LRRC20: variants seen among roughly 807,000 people sequenced by gnomAD.
LRRC20 encodes leucine-rich repeat-containing protein 20.
LRRC20 carries 11 observed loss-of-function variants against 14.4 expected under a neutral mutation model. The observed-to-expected ratio is 0.77, with a 90% confidence interval of 0.48 to 1.27. The LOEUF (loss-of-function observed/expected upper bound fraction) is 1.27. Among genes scored for constraint, LRRC20 ranks in the 50% most tolerant of loss-of-function variants. LRRC20 has a pLI of 0.00. For missense variants in LRRC20, 219 were observed against 251.2 expected (o/e 0.87, Z 0.87); for synonymous variants, 121 against 107.3 (o/e 1.13, Z -0.79).
chr10:70,374,867 G>A (rs757045083), intron 2 of LRRC20, among the ~76,000 whole-genome samples: 5 of 152,196 alleles, frequency 3.3e-5, no homozygotes, highest in Admixed American at 6.5e-5. Flanking sequence ...AGCTCCCTAT[G>A]TGCCAAACAC....
At chr10:70,342,706 CCCTT>C (rs1842960024) in intron 2 of LRRC20, among the ~76,000 whole-genome samples, 1 of 152,152 alleles carries the variant, frequency 6.6e-6, no homozygotes. Flanking sequence ...AGCAGTCCTC[CCCTT>C]CCACTTTACC....
chr10:70,340,680 G>C lies in LRRC20; in HGVS notation c.105C>G (p.Val35=). ...DTLDLAECKL[V]SFPIGIYKVL... is the part of the protein sequence containing the mutation. ...CCTTGTAGATGCCAATGGGAAAGGA[G>C]ACCAGCTTGCACTCGGCCAGGTCTG... The change falls in exon 3 of 5, where the codon GTC becomes GTG. Residue 35 remains valine, a synonymous_variant. Transcript: ENST00000446961. 1 of 1,614,184 alleles carries C rather than the reference G, an allele frequency of 6.2e-7. No individual in the cohort carries two copies. The highest frequency in any genetic ancestry group is 8.5e-7 in the Non-Finnish European group (1 of 1,180,038).
intron 4 of LRRC20, among the ~76,000 whole-genome samples, chr10:70,304,104 C>T (rs1841313490): frequency 6.6e-6 from 1 of 152,110 alleles, no homozygotes; most frequent in African/African-American, 2.4e-5. Flanking sequence ...TCCCACCTAA[C>T]CTTTAGGATC....
chr10:70,344,572 T>A (rs1843013366), intron 2 of LRRC20, among the ~76,000 whole-genome samples: 1 of 152,206 alleles, frequency 6.6e-6, no homozygotes. Flanking sequence ...ATTTTCGTTT[T>A]GTTTTGTTTA....
At chr10:70,343,627 G>A (rs1431348509) in intron 2 of LRRC20, among the ~76,000 whole-genome samples, 1 of 152,208 alleles carries the variant, frequency 6.6e-6, no homozygotes, top group Non-Finnish European at 1.5e-5. Context: ...AAGCAAACAG[G>A]CACTGTGGGC....
chr10:70,341,139 G>C (rs1368335000), intron 2 of LRRC20, among the ~76,000 whole-genome samples: 1 of 152,082 alleles, frequency 6.6e-6, no homozygotes, highest in Non-Finnish European at 1.5e-5. Context: ...CAGACTTTAT[G>C]GTTTGATCTT....
At chr10:70,328,303 C>T (rs1000194015) in intron 3 of LRRC20, among the ~76,000 whole-genome samples, 13 of 149,750 alleles carry the variant, frequency 8.7e-5, no homozygotes, top group South Asian at 6.3e-4. Context: ...TGTTTTTTGG[C>T]GTTTTTTTTT....
intron 2 of LRRC20, among the ~76,000 whole-genome samples, chr10:70,359,438 C>T (rs1843640932): frequency 6.6e-6 from 1 of 152,154 alleles, no homozygotes; most frequent in East Asian, 1.9e-4. Flanking sequence ...CCTGTGGGCC[C>T]AGCTACTTGG....
rs541910148 is a variant in LRRC20, at chr10:70,351,916, C to T, written c.83-11214G>A. ...TCAGGATTGTTATGAAGACTTAAGG[C>T]TCAATATTTTTTAACACAATACTCA... is the stretch of plus-strand genomic sequence containing the variant. On this transcript the variant is annotated intron_variant, in intron 2 of 4. Transcript: ENST00000446961. Among the ~76,000 whole-genome samples the T allele has an allele frequency of 2.0e-5, 3 of 152,164 alleles. No homozygotes were observed. The East Asian group carries it at 5.8e-4, about 29-fold the overall frequency.
In LRRC20 at chr10:70,301,311, C is replaced by T; in HGVS notation, c.*43G>A. 1 of 1,590,414 alleles carries T rather than the reference C, an allele frequency of 6.3e-7. No individual in the cohort carries two copies. The highest frequency in any genetic ancestry group is 1.3e-5 in the African/African-American group (1 of 74,830). ...CTCCCTCCCTTCCAGGGTTCCAGGC[C>T]TGTGGCCTCTGCCCCTTGCTGGGTG... On this transcript the variant is annotated 3_prime_UTR_variant, in exon 5 of 5. Coordinates refer to ENST00000446961, the MANE Select transcript of LRRC20 (RefSeq NM_001278212.2).
chr10:70,353,322 G>A (rs1843389659), intron 2 of LRRC20, among the ~76,000 whole-genome samples: 2 of 146,620 alleles, frequency 1.4e-5, no homozygotes, highest in South Asian at 4.4e-4. Context: ...CATTTACAAA[G>A]TGCCTGCTGC....
chr10:70,310,552 C>T (rs1207510595), intron 4 of LRRC20, among the ~76,000 whole-genome samples: 2 of 152,230 alleles, frequency 1.3e-5, no homozygotes, highest in African/African-American at 4.8e-5. Flanking sequence ...TCGTATCATG[C>T]ACCATGCCCT....
intron 2 of LRRC20, among the ~76,000 whole-genome samples, chr10:70,369,834 C>G (rs1844194495): frequency 6.7e-6 from 1 of 150,182 alleles, no homozygotes; most frequent in Non-Finnish European, 1.5e-5. Context: ...AATCCCAGCA[C>G]TTTGGGAGAC....
chr10:70,323,762 C>T, intron 4 of LRRC20, 101 bp downstream of exon 4: 2 of 1,345,954 alleles, frequency 1.5e-6, no homozygotes, highest in South Asian at 2.6e-5. Context: ...AGACAGAAAG[C>T]CCAAGCTTCT....
chr10:70,323,590 C>T (rs1321359427), intron 4 of LRRC20, among the ~76,000 whole-genome samples: 3 of 152,198 alleles, frequency 2.0e-5, no homozygotes, highest in Admixed American at 2.0e-4. Flanking sequence ...AGAGGGAGAG[C>T]TTGTGGCCTA....
chr10:70,355,103 A>C (rs914659223), intron 2 of LRRC20, among the ~76,000 whole-genome samples: 2 of 152,218 alleles, frequency 1.3e-5, no homozygotes, highest in African/African-American at 4.8e-5. Flanking sequence ...TTGAGCTGCC[A>C]GTCTCTGAAA....
Position 70,301,675 on chromosome 10 carries a change from G to A in LRRC20, c.401-167C>T, listed in dbSNP as rs147928079. ...GCCCAGCCCTGTGCAAAGGGCCATC[G>A]GGCCCACCAGGATATAACAACCACA... is the stretch of plus-strand genomic sequence containing the variant. On this transcript the variant is annotated intron_variant, in intron 4 of 4. Coordinates refer to ENST00000446961, the MANE Select transcript of LRRC20 (RefSeq NM_001278212.2). Among the ~76,000 whole-genome samples the A allele has an allele frequency of 5.4e-4, 82 of 152,240 alleles. 1 individual carries two copies. In the East Asian group the frequency reaches 0.014, roughly 26 times the overall value.
chr10:70,323,881 C>T lies in LRRC20; in HGVS notation c.382G>A (p.Glu128Lys). 6.2e-7 allele frequency: 1 copy of T among 1,614,188 alleles called. No individual in the cohort carries two copies. Among genetic ancestry groups the T allele is most frequent in the South Asian group, 1.1e-5 (1 of 91,088 alleles). Reference sequence around the variant, plus strand: ...CACTCACCTACGATCTCGTTCTCCTCCAGGTTGATGGTCTCCAGCGCCGGC... The same window carrying T: ...CACTCACCTACGATCTCGTTCTCCTTCAGGTTGATGGTCTCCAGCGCCGGC... ...ALPALETINLEENEIVDVPVE... is the reference protein window; with the variant it reads ...ALPALETINLKENEIVDVPVE... The change falls in exon 4 of 5, where the codon GAG becomes AAG. Residue 128 changes from glutamate (E) to lysine (K), a missense_variant. By Grantham distance (56) the Glu-to-Lys change is moderately conservative. Transcript: ENST00000446961.
At chr10:70,342,144 C>CA (rs561570059) in intron 2 of LRRC20, among the ~76,000 whole-genome samples, 101 of 151,066 alleles carry the variant, frequency 6.7e-4, no homozygotes, top group Middle Eastern at 3.4e-3. Context: ...ACTAAAAATA[C>CA]AAAAAAAACA....
Sources: gnomAD v4.1 joint callset for allele counts (sites outside exome capture counted in the v4.1 genomes callset) on GRCh38, gnomAD v4.1.1 for gene constraint, MANE v1.5 for transcripts, NCBI Gene and HGNC (gene_info 2026-07-23, HGNC 2026-07-21) for gene names.